ST6GAL1: variants seen among roughly 807,000 people sequenced by gnomAD.
ST6GAL1 encodes ST6 beta-galactoside alpha-2,6-sialyltransferase 1.
ST6GAL1 carries 20 observed loss-of-function variants against 38.0 expected under a neutral mutation model. The observed-to-expected ratio is 0.53, with a 90% CI of 0.37 to 0.77. The LOEUF (loss-of-function observed/expected upper bound fraction) is 0.77, where lower values mean the gene tolerates loss of function less well. Ranked by LOEUF, ST6GAL1 falls within the 30% of genes least tolerant of loss-of-function variation. The probability of loss-of-function intolerance (pLI) is 0.00; values close to 1 mark genes in which losing one functional copy is unlikely to be tolerated. For synonymous variants in ST6GAL1, 196 were observed against 188.2 expected (o/e 1.04, Z -0.34); for missense variants, 432 against 496.4 (o/e 0.87, Z 1.23).
At position 187,057,701 on chromosome 3, in the gene ST6GAL1, C is replaced by A. The variant is rs571878684; in HGVS notation, c.705+6355C>A. Among the ~76,000 whole-genome samples, 20 of 152,298 alleles carry A rather than the reference C, an allele frequency of 1.3e-4. No homozygotes were observed. The East Asian group carries it at 3.9e-3, about 29-fold the overall frequency. On this transcript the variant is annotated intron_variant, in intron 5 of 7. Coordinates refer to ENST00000169298, the MANE Select transcript of ST6GAL1 (RefSeq NM_173216.2). ...TGGGGCAACTGCCTGTATGAGGTGT[C>A]AGTCGGCCCCTACTGGGAGGTGCCT...
At chr3:187,051,496 T>G (rs1718512758) in intron 5 of ST6GAL1, 150 bp downstream of exon 5, 4 of 665,000 alleles carry the variant, frequency 6.0e-6, no homozygotes, top group Non-Finnish European at 1.0e-5. Flanking sequence ...AAGAAGACAA[T>G]GATTCCATGA....
At chr3:186,956,640 T>A (rs1175406323) in intron 1 of ST6GAL1, among the ~76,000 whole-genome samples, 1 of 152,230 alleles carries the variant, frequency 6.6e-6, no homozygotes, top group Non-Finnish European at 1.5e-5. Flanking sequence ...TAGAGGAGTC[T>A]TTCTGCATAA....
chr3:187,051,211 T>C lies in ST6GAL1; in HGVS notation c.608-38T>C, dbSNP rs371083072. On this transcript the variant is annotated intron_variant, in intron 4 of 7. Transcript: ENST00000169298. ...TTTCTCTTTTTCTGCATATTGCCAG[T>C]GCTCATCACCTCTTTTCTGTTTCTT... The C allele has an allele frequency of 3.2e-6, 5 of 1,575,924 alleles. 1 individual carries two copies. In the South Asian group the frequency reaches 3.3e-5, roughly 10 times the overall value.
chr3:186,945,870 A>G (rs1446827031), intron 1 of ST6GAL1, among the ~76,000 whole-genome samples: 2 of 151,542 alleles, frequency 1.3e-5, no homozygotes, highest in African/African-American at 4.9e-5. Context: ...GGGCACCTGC[A>G]GTCTCAGCTA....
chr3:187,059,550 A>C (rs1718839139), intron 5 of ST6GAL1, among the ~76,000 whole-genome samples: 2 of 152,236 alleles, frequency 1.3e-5, no homozygotes, highest in Admixed American at 1.3e-4. Context: ...CAGTCAGTAC[A>C]TAAACTCTAT....
At chr3:187,015,254 G>A (rs1717078566) in intron 2 of ST6GAL1, among the ~76,000 whole-genome samples, 1 of 152,162 alleles carries the variant, frequency 6.6e-6, no homozygotes, top group South Asian at 2.1e-4. Flanking sequence ...TTACTCCTTA[G>A]CAGACTTAGG....
intron 2 of ST6GAL1, among the ~76,000 whole-genome samples, chr3:186,969,186 G>A (rs960443965): frequency 2.5e-4 from 17 of 67,754 alleles, no homozygotes; most frequent in Non-Finnish European, 4.7e-4. Flanking sequence ...TGAGTAGCTG[G>A]GATTACAGGC....
At chr3:186,981,194 G>T (rs1715687176) in intron 2 of ST6GAL1, among the ~76,000 whole-genome samples, 1 of 152,246 alleles carries the variant, frequency 6.6e-6, no homozygotes, top group Non-Finnish European at 1.5e-5. Flanking sequence ...GGTTCAGAGA[G>T]CTCTGCTGCC....
intron 5 of ST6GAL1, among the ~76,000 whole-genome samples, chr3:187,069,485 GA>G (rs902713496): frequency 7.2e-5 from 11 of 152,248 alleles, no homozygotes; most frequent in African/African-American, 2.6e-4. Flanking sequence ...TGAGGTCCAG[GA>G]GTCCCCTTGG....
intron 5 of ST6GAL1, among the ~76,000 whole-genome samples, chr3:187,051,729 C>T (rs1040846999): frequency 2.0e-5 from 3 of 151,928 alleles, no homozygotes; most frequent in South Asian, 2.1e-4. Context: ...CTTTATGAAC[C>T]GTAAAATGCT....
At chr3:187,056,212 G>A (rs903228433) in intron 5 of ST6GAL1, among the ~76,000 whole-genome samples, 1 of 152,106 alleles carries the variant, frequency 6.6e-6, no homozygotes, top group Non-Finnish European at 1.5e-5. Context: ...CTGCATGTGA[G>A]ATGGGTCTCC....
At chr3:187,042,627 T>A (rs57221318) in intron 3 of ST6GAL1, 27 bp from the exon 4 acceptor site, 1 of 1,525,482 alleles carries the variant, frequency 6.6e-7, no homozygotes, top group African/African-American at 1.4e-5. Flanking sequence ...TTACATCATT[T>A]GTTTTTCCTT....
At chr3:186,990,253 C>T (rs903730934) in intron 2 of ST6GAL1, among the ~76,000 whole-genome samples, 2 of 152,116 alleles carry the variant, frequency 1.3e-5, no homozygotes, top group Non-Finnish European at 1.5e-5. Context: ...AGGCTGGTCT[C>T]GAACTCCTGA....
At chr3:186,932,150 GA>G (rs1413013688) in intron 1 of ST6GAL1, among the ~76,000 whole-genome samples, 2 of 150,504 alleles carry the variant, frequency 1.3e-5, no homozygotes, top group Non-Finnish European at 3.0e-5. Flanking sequence ...CCCGGGGGGG[GA>G]ACTGGAGAGC....
intron 1 of ST6GAL1, among the ~76,000 whole-genome samples, chr3:186,958,224 A>G (rs76833195): frequency 0.031 from 4,721 of 152,278 alleles, 110 homozygotes; most frequent in Admixed American, 0.061. Context: ...ATATACATGA[A>G]AGGAATTAAT....
At chr3:186,993,682 G>T (rs895357372) in intron 2 of ST6GAL1, among the ~76,000 whole-genome samples, 12 of 151,984 alleles carry the variant, frequency 7.9e-5, no homozygotes, top group African/African-American at 2.9e-4. Context: ...GTAGCAGCAT[G>T]CTAGAAAAGA....
At chr3:186,984,837 C>CT (rs1715847675) in intron 2 of ST6GAL1, among the ~76,000 whole-genome samples, 1 of 69,490 alleles carries the variant, frequency 1.4e-5, no homozygotes, top group Admixed American at 1.8e-4. Flanking sequence ...CCCTCCCTCC[C>CT]TCCCTCCCTC....
chr3:186,957,933 T>C (rs2108524290), intron 1 of ST6GAL1, among the ~76,000 whole-genome samples: 1 of 152,290 alleles, frequency 6.6e-6, no homozygotes, highest in Non-Finnish European at 1.5e-5. Context: ...ATGCATTTGT[T>C]TCTCCAAAAC....
chr3:186,999,413 C>CTTT (rs35693392), intron 2 of ST6GAL1, among the ~76,000 whole-genome samples: 8 of 138,352 alleles, frequency 5.8e-5, no homozygotes, highest in South Asian at 2.3e-4. Context: ...ACTATAATCT[C>CTTT]TTTTTTTTTT....
Sources: allele counts gnomAD v4.1 joint callset (sites outside exome capture counted in the v4.1 genomes callset), GRCh38; gene constraint gnomAD v4.1.1; transcripts MANE v1.5; gene names NCBI Gene and HGNC (gene_info 2026-07-23, HGNC 2026-07-21).